Variants in MDGA2 observed in about 807,000 individuals in gnomAD.
MDGA2 encodes MAM domain-containing glycosylphosphatidylinositol anchor protein 2.
A neutral mutation model predicts 117.8 loss-of-function variants in MDGA2; 40 were observed. The observed-to-expected ratio is 0.34, with a 90% CI of 0.26 to 0.44. The LOEUF is 0.44. Ranked by LOEUF, MDGA2 falls within the 20% of genes least tolerant of loss-of-function variation. The pLI is 1.00. For synonymous variants in MDGA2, 452 were observed against 439.0 expected (o/e 1.03, Z -0.37); for missense variants, 1,123 against 1,250.6 (o/e 0.90, Z 1.54).
intron 1 of MDGA2, among the ~76,000 whole-genome samples, chr14:47,596,016 A>G (rs1007509604): frequency 6.6e-6 from 1 of 152,184 alleles, no homozygotes; most frequent in East Asian, 1.9e-4. Context: ...ATAATTCTGG[A>G]AAGTAGGTAA....
chr14:47,126,898 G>T (rs1881930723), intron 5 of MDGA2, among the ~76,000 whole-genome samples: 1 of 152,030 alleles, frequency 6.6e-6, no homozygotes, highest in Admixed American at 6.6e-5. Context: ...TTTACATCCT[G>T]TATCATTTGG....
At chr14:47,105,221 G>A (rs1428997814) in intron 5 of MDGA2, among the ~76,000 whole-genome samples, 1 of 152,104 alleles carries the variant, frequency 6.6e-6, no homozygotes, top group African/African-American at 2.4e-5. Context: ...TTCCTAGGGG[G>A]CAAGAAGCCC....
intron 1 of MDGA2, among the ~76,000 whole-genome samples, chr14:47,648,513 C>T (rs1404117036): frequency 6.6e-6 from 1 of 151,922 alleles, no homozygotes; most frequent in East Asian, 2.0e-4. Context: ...ATGATTTGCT[C>T]AAAGAACGAT....
At chr14:47,284,824 A>C (rs140221681) in intron 2 of MDGA2, among the ~76,000 whole-genome samples, 45 of 152,208 alleles carry the variant, frequency 3.0e-4, no homozygotes, top group African/African-American at 1.0e-3. Flanking sequence ...TACCCAGATG[A>C]TATATCTTTG....
chr14:47,375,242 T>C lies in MDGA2; in HGVS notation c.281-73692A>G, dbSNP rs564019620. The stretch of plus-strand genomic sequence containing the variant: ...TAGTAACAGTTAATTTTCTTTTTCG[T>C]AACTGCTTAGCCTACAACTTCCATC... On this transcript the variant is annotated intron_variant, in intron 1 of 16. Transcript: ENST00000399232. Among the ~76,000 whole-genome samples the C allele has an allele frequency of 5.9e-5, 9 of 152,034 alleles. No homozygotes were observed. The South Asian group carries it at 1.9e-3, about 31-fold the overall frequency.
chr14:46,942,872 T>C (rs1885047221), intron 9 of MDGA2, among the ~76,000 whole-genome samples: 1 of 152,140 alleles, frequency 6.6e-6, no homozygotes, highest in South Asian at 2.1e-4. Context: ...CATAAGTCTT[T>C]GTGTATACAT....
intron 1 of MDGA2, among the ~76,000 whole-genome samples, chr14:47,645,944 G>C (rs1876440009): frequency 6.6e-6 from 1 of 151,866 alleles, no homozygotes; most frequent in Non-Finnish European, 1.5e-5. Flanking sequence ...GCCGGGCGTG[G>C]TGGCAGGCTC....
At chr14:47,594,996 C>G (rs1474842) in intron 1 of MDGA2, among the ~76,000 whole-genome samples, 8,308 of 152,166 alleles carry the variant, frequency 0.055, 829 homozygotes, top group East Asian at 0.5. Context: ...CCCCACTCCT[C>G]GTAATTAAAA....
intron 8 of MDGA2, among the ~76,000 whole-genome samples, chr14:46,994,386 C>T (rs1887208247): frequency 6.6e-6 from 1 of 152,116 alleles, no homozygotes; most frequent in Non-Finnish European, 1.5e-5. Flanking sequence ...ACCTTCAGGA[C>T]TGCAATTGGT....
chr14:46,916,958 A>G (rs3007122), intron 10 of MDGA2, among the ~76,000 whole-genome samples: 151,066 of 152,206 alleles, frequency 0.99, 74,980 homozygotes, highest in Middle Eastern at 1. Context: ...AGTAAGGGAA[A>G]TATTTGTTTT....
At chr14:46,962,660 G>C (rs1885858251) in intron 8 of MDGA2, among the ~76,000 whole-genome samples, 1 of 152,066 alleles carries the variant, frequency 6.6e-6, no homozygotes, top group Admixed American at 6.5e-5. Context: ...ACATTGGAGA[G>C]ATTTTACATA....
At chr14:47,619,150 CAG>C (rs758174248) in intron 1 of MDGA2, among the ~76,000 whole-genome samples, 5 of 141,532 alleles carry the variant, frequency 3.5e-5, no homozygotes, top group East Asian at 2.0e-4. Flanking sequence ...CACACACACA[CAG>C]ATACATTATC....
chr14:47,176,485 G>T lies in MDGA2; in HGVS notation c.596-32211C>A, dbSNP rs188511043. Among the ~76,000 whole-genome samples the T allele has an allele frequency of 3.6e-3, 551 of 152,202 alleles. 3 individuals are homozygous for T. Among genetic ancestry groups the T allele is most frequent in the Non-Finnish European group, 4.6e-3 (310 of 68,026 alleles). Reference sequence around the variant, plus strand: ...TCAATGGAACAGAACAGAGCCCTCAGAAATAACACTGCATATCTACAACTA... The same window carrying T: ...TCAATGGAACAGAACAGAGCCCTCATAAATAACACTGCATATCTACAACTA... On this transcript the variant is annotated intron_variant, in intron 3 of 16. Coordinates refer to ENST00000399232, the MANE Select transcript of MDGA2 (RefSeq NM_001113498.3).
intron 8 of MDGA2, among the ~76,000 whole-genome samples, chr14:46,990,200 T>C (rs1367750531): frequency 6.6e-6 from 1 of 152,090 alleles, no homozygotes; most frequent in Admixed American, 6.6e-5. Context: ...ATATCATATA[T>C]GAAGCACTTA....
intron 6 of MDGA2, among the ~76,000 whole-genome samples, chr14:47,090,946 G>A (rs763274334): frequency 2.0e-5 from 3 of 152,180 alleles, no homozygotes; most frequent in Admixed American, 1.3e-4. Flanking sequence ...GCAATTATAT[G>A]GGATACCCTG....
intron 1 of MDGA2, among the ~76,000 whole-genome samples, chr14:47,577,746 C>T (rs574179442): frequency 7.9e-5 from 12 of 152,074 alleles, no homozygotes; most frequent in South Asian, 4.1e-4. Context: ...GTCAGAATGG[C>T]GATTATTAAA....
intron 4 of MDGA2, among the ~76,000 whole-genome samples, chr14:47,133,154 T>C (rs1882289874): frequency 6.6e-6 from 1 of 151,790 alleles, no homozygotes; most frequent in Non-Finnish European, 1.5e-5. Flanking sequence ...CTTTCAATTT[T>C]TGTTTAGAAG....
chr14:47,301,376 G>T, intron 2 of MDGA2, 35 bp downstream of exon 2: 5 of 1,547,436 alleles, frequency 3.2e-6, no homozygotes, highest in Non-Finnish European at 4.4e-6. Flanking sequence ...AAAAGTCAGA[G>T]AATGTTTTCT....
At chr14:47,516,583 A>G (rs1333327257) in intron 1 of MDGA2, among the ~76,000 whole-genome samples, 1 of 152,202 alleles carries the variant, frequency 6.6e-6, no homozygotes, top group Non-Finnish European at 1.5e-5. Flanking sequence ...TTTGCAGTAG[A>G]GTAATCTCAC....
Sources: gnomAD v4.1 joint callset for allele counts (sites outside exome capture counted in the v4.1 genomes callset) on GRCh38, gnomAD v4.1.1 for gene constraint, MANE v1.5 for transcripts, NCBI Gene and HGNC (gene_info 2026-07-23, HGNC 2026-07-21) for gene names.